The following AAMDC variants were observed in gnomAD, a reference collection of about 807,000 sequenced individuals.
AAMDC encodes adipogenesis associated Mth938 domain containing.
A neutral mutation model predicts 15.5 loss-of-function variants in AAMDC; 16 were observed. The ratio of observed to expected loss-of-function variants is 1.03; its 90% CI spans 0.70 to 1.57. The LOEUF (loss-of-function observed/expected upper bound fraction) is 1.57. Ranked by LOEUF, AAMDC falls within the 40% of genes most tolerant of loss-of-function variation. The pLI is 0.00. For missense variants in AAMDC, 141 were observed against 144.9 expected (o/e 0.97, Z 0.14); for synonymous variants, 51 against 51.6 (o/e 0.99, Z 0.05).
chr11:77,875,578 C>T (rs1951572715), downstream of AAMDC, among the ~76,000 whole-genome samples: 3 of 152,200 alleles, frequency 2.0e-5, no homozygotes, highest in African/African-American at 7.2e-5. Flanking sequence ...CTTCCAATTG[C>T]TGTTATCTTC....
intron 5 of AAMDC, among the ~76,000 whole-genome samples, chr11:77,887,036 G>A (rs1270339087): frequency 1.3e-5 from 2 of 151,784 alleles, no homozygotes; most frequent in South Asian, 2.1e-4. Context: ...ACAATTAAAA[G>A]AACTAGAAAA....
intron 2 of AAMDC, among the ~76,000 whole-genome samples, chr11:77,865,092 G>A (rs1312323371): frequency 6.6e-6 from 1 of 152,154 alleles, no homozygotes; most frequent in Non-Finnish European, 1.5e-5. Flanking sequence ...TGTCTCCCTT[G>A]TATATATTTT....
intron 5 of AAMDC, among the ~76,000 whole-genome samples, chr11:77,890,485 C>T (rs1158640096): frequency 6.6e-6 from 1 of 151,900 alleles, no homozygotes; most frequent in East Asian, 1.9e-4. Context: ...CTCCACCACA[C>T]TCCAAATTGA....
intron 1 of AAMDC, among the ~76,000 whole-genome samples, chr11:77,833,005 ATATATTTTTT>A (rs1949516992): frequency 1.5e-5 from 1 of 65,734 alleles, no homozygotes; most frequent in African/African-American, 7.7e-5. Context: ...GTGTATATAT[ATATATTTTTT>A]TTTTTTTTTT....
intron 1 of AAMDC, among the ~76,000 whole-genome samples, chr11:77,838,936 C>G (rs1256991927): frequency 6.6e-6 from 1 of 152,126 alleles, no homozygotes; most frequent in Non-Finnish European, 1.5e-5. Flanking sequence ...CTTTTACTTA[C>G]TGTGCTTACC....
chr11:77,900,473 A>G, intron 5 of AAMDC: 1 of 563,498 alleles, frequency 1.8e-6, no homozygotes, highest in Non-Finnish European at 3.1e-6. Context: ...AAGAAATAAA[A>G]TATTTTATTT....
intron 2 of AAMDC, among the ~76,000 whole-genome samples, chr11:77,852,224 C>CAAAAAAAAAAAAAAAAA (rs545742213): frequency 0.014 from 451 of 33,282 alleles, 38 homozygotes; most frequent in Non-Finnish European, 0.015. Context: ...GACACTGTCT[C>CAAAAAAAAAAAAAAAAA]AAAAAAAAAA....
intron 5 of AAMDC, among the ~76,000 whole-genome samples, chr11:77,882,869 G>A (rs192191385): frequency 2.0e-5 from 3 of 152,228 alleles, no homozygotes; most frequent in Non-Finnish European, 4.4e-5. Flanking sequence ...TCAGGAGTTC[G>A]AGACTAGCTT....
intron 5 of AAMDC, chr11:77,884,024 T>C: frequency 6.7e-7 from 1 of 1,494,988 alleles, no homozygotes. Context: ...ATGACATCTG[T>C]TGTGAACCTC....
intron 1 of AAMDC, among the ~76,000 whole-genome samples, chr11:77,834,378 T>G (rs1949583712): frequency 6.6e-6 from 1 of 151,302 alleles, no homozygotes; most frequent in African/African-American, 2.4e-5. Context: ...ATTATCAAAC[T>G]GAGAAGGGCA....
chr11:77,848,954 C>G (rs1033323218), intron 2 of AAMDC, among the ~76,000 whole-genome samples: 1 of 151,886 alleles, frequency 6.6e-6, no homozygotes, highest in Non-Finnish European at 1.5e-5. Context: ...CAATGCCTGG[C>G]TAATTTATTT....
chr11:77,881,072 A>G (rs1951774371), intron 5 of AAMDC, among the ~76,000 whole-genome samples: 1 of 152,224 alleles, frequency 6.6e-6, no homozygotes. Flanking sequence ...GCAATGCCAT[A>G]GGAGTAAAGC....
chr11:77,826,023 A>T (rs969707941), intron 1 of AAMDC, among the ~76,000 whole-genome samples: 2 of 152,102 alleles, frequency 1.3e-5, no homozygotes, highest in African/African-American at 2.4e-5. Flanking sequence ...GCATGAGTCT[A>T]TTCTCTGACA....
intron 2 of AAMDC, among the ~76,000 whole-genome samples, chr11:77,850,436 A>G (rs1486396312): frequency 1.3e-5 from 2 of 152,122 alleles, no homozygotes; most frequent in African/African-American, 2.4e-5. Flanking sequence ...GCTCATTTCT[A>G]TCCTAAGGCA....
intron 5 of AAMDC, among the ~76,000 whole-genome samples, chr11:77,885,356 C>T (rs1049484939): frequency 3.9e-5 from 6 of 152,010 alleles, no homozygotes; most frequent in African/African-American, 9.7e-5. Flanking sequence ...GGATTACAGG[C>T]GTGAGCCACC....
intron 2 of AAMDC, among the ~76,000 whole-genome samples, chr11:77,843,640 T>G (rs1236770527): frequency 6.6e-6 from 1 of 152,202 alleles, no homozygotes; most frequent in African/African-American, 2.4e-5. Context: ...TAAAAAAAAT[T>G]GTCATAGACT....
At chr11:77,855,943 C>A (rs1423463958) in intron 2 of AAMDC, among the ~76,000 whole-genome samples, 1 of 151,956 alleles carries the variant, frequency 6.6e-6, no homozygotes, top group African/African-American at 2.4e-5. Context: ...CATGGCAAAA[C>A]CCTGGCTCTA....
At chr11:77,828,731 T>C (rs907763795) in intron 1 of AAMDC, among the ~76,000 whole-genome samples, 1 of 150,868 alleles carries the variant, frequency 6.6e-6, no homozygotes, top group Admixed American at 6.6e-5. Flanking sequence ...TTAAAAGACG[T>C]ACATGGGAAG....
chr11:77,875,700 T>C (rs994831556), downstream of AAMDC, among the ~76,000 whole-genome samples: 3 of 152,112 alleles, frequency 2.0e-5, no homozygotes, highest in African/African-American at 7.2e-5. Flanking sequence ...GAATATAGTA[T>C]AGGAGGCTGT....
Sources: gnomAD v4.1 joint callset for allele counts (sites outside exome capture counted in the v4.1 genomes callset) on GRCh38, gnomAD v4.1.1 for gene constraint, MANE v1.5 for transcripts, NCBI Gene and HGNC (gene_info 2026-07-23, HGNC 2026-07-21) for gene names.